The following CHN2 variants were observed in gnomAD, a reference collection of about 807,000 sequenced individuals.
CHN2 encodes the protein chimerin 2, also known as beta-chimaerin.
A neutral mutation model predicts 56.3 loss-of-function variants in CHN2; 35 were observed. The ratio of observed to expected loss-of-function variants is 0.62; its 90% CI spans 0.47 to 0.82. The LOEUF (loss-of-function observed/expected upper bound fraction) is 0.82, where lower values mean the gene tolerates loss of function less well. Among genes scored for constraint, CHN2 ranks in the 40% least tolerant of loss-of-function variants. The pLI is 0.00. For synonymous variants in CHN2, 210 were observed against 212.8 expected (o/e 0.99, Z 0.12); for missense variants, 491 against 580.5 (o/e 0.85, Z 1.58).
intron 6 of CHN2, among the ~76,000 whole-genome samples, chr7:29,441,223 C>T (rs560684158): frequency 3.9e-5 from 6 of 152,132 alleles, no homozygotes; most frequent in Non-Finnish European, 8.8e-5. Flanking sequence ...TGAATAATCT[C>T]TCAATTACAT....
chr7:29,426,932 C>A (rs190525277), intron 6 of CHN2, among the ~76,000 whole-genome samples: 1 of 152,238 alleles, frequency 6.6e-6, no homozygotes, highest in Non-Finnish European at 1.5e-5. Flanking sequence ...TCATCACGTC[C>A]ATCTGCCAGT....
chr7:29,228,159 T>TACAC (rs142567884), intron 1 of CHN2, among the ~76,000 whole-genome samples: 132 of 147,148 alleles, frequency 9.0e-4, no homozygotes, highest in African/African-American at 3.2e-3. Flanking sequence ...TATATATATA[T>TACAC]ACACACACAC....
intron 1 of CHN2, among the ~76,000 whole-genome samples, chr7:29,340,533 G>A (rs1048105847): frequency 2.6e-5 from 4 of 152,160 alleles, no homozygotes; most frequent in African/African-American, 9.7e-5. Flanking sequence ...GCTAACCACT[G>A]AGCCCCCAAA....
intron 6 of CHN2, among the ~76,000 whole-genome samples, chr7:29,458,666 A>G (rs1269843083): frequency 1.3e-5 from 2 of 152,178 alleles, no homozygotes; most frequent in Non-Finnish European, 2.9e-5. Flanking sequence ...TACTTGGCCA[A>G]GGTTGCAGCA....
intron 3 of CHN2, 57 bp downstream of exon 3, chr7:29,368,044 A>T: frequency 6.9e-7 from 1 of 1,444,168 alleles, no homozygotes; most frequent in Admixed American, 2.0e-5. Context: ...TGTCAGCACT[A>T]TGTAGAGAGT....
intron 6 of CHN2, among the ~76,000 whole-genome samples, chr7:29,444,373 G>T (rs1783885905): frequency 6.6e-6 from 1 of 152,196 alleles, no homozygotes; most frequent in Non-Finnish European, 1.5e-5. Flanking sequence ...AGGGCTTTCA[G>T]AGATGGCTCA....
At chr7:29,352,450 G>A (rs1243914683) in intron 1 of CHN2, among the ~76,000 whole-genome samples, 3 of 152,084 alleles carry the variant, frequency 2.0e-5, no homozygotes, top group Admixed American at 6.6e-5. Flanking sequence ...GCCGGGGCAC[G>A]GTGGCTCATG....
intron 6 of CHN2, among the ~76,000 whole-genome samples, chr7:29,412,756 CT>C: frequency 6.6e-6 from 1 of 152,204 alleles, no homozygotes; most frequent in Admixed American, 6.5e-5. Flanking sequence ...CACGAGAGCC[CT>C]CTGTTGGAAG....
chr7:29,507,376 C>T lies in CHN2; in HGVS notation c.1129+11C>T, dbSNP rs1790696136. 1 of 1,585,018 alleles carries T rather than the reference C, an allele frequency of 6.3e-7. No individual in the cohort carries two copies. Among genetic ancestry groups the T allele is most frequent in the Admixed American group, 1.8e-5 (1 of 54,294 alleles). On this transcript the variant is annotated intron_variant, in intron 11 of 12. Coordinates refer to ENST00000222792, the MANE Select transcript of CHN2 (RefSeq NM_004067.4). ...TTATAGATGCAGCAAGTAAGTACTT[C>T]AAATTAATTTTTTATTTCTACCAAA...
exon 1 of CHN2, chr7:29,146,635 G>T (rs769641932): frequency 6.5e-7 from 1 of 1,550,384 alleles, no homozygotes; most frequent in African/African-American, 1.4e-5. Context: ...CAACCTCCTG[G>T]TCCCAGAAAC....
Position 29,398,794 on chromosome 7 carries a change from G to T in CHN2, c.290+308G>T, listed in dbSNP as rs549132746. Among the ~76,000 whole-genome samples the T allele has an allele frequency of 4.1e-5, 6 of 147,576 alleles. No individual in the cohort carries two copies. The East Asian group carries it at 1.0e-3, about 25-fold the overall frequency. On this transcript the variant is annotated intron_variant, in intron 5 of 12. Coordinates refer to ENST00000222792, the MANE Select transcript of CHN2 (RefSeq NM_004067.4). ...TTTTTTTTTTTTTGAAGAGAATGGGGTCTCACCATGTTGCCCGGGCTGGTC... is the reference window on the plus strand; with the variant it reads ...TTTTTTTTTTTTTGAAGAGAATGGGTTCTCACCATGTTGCCCGGGCTGGTC...
At chr7:29,391,805 C>T (rs1379752835) in intron 3 of CHN2, among the ~76,000 whole-genome samples, 3 of 152,176 alleles carry the variant, frequency 2.0e-5, no homozygotes, top group African/African-American at 4.8e-5. Flanking sequence ...TGGCCTGAGC[C>T]TAGAGCCCAG....
At chr7:29,329,567 T>C (rs1023195876) in intron 1 of CHN2, among the ~76,000 whole-genome samples, 1 of 152,088 alleles carries the variant, frequency 6.6e-6, no homozygotes, top group Non-Finnish European at 1.5e-5. Flanking sequence ...AATAGAAAAG[T>C]GGTGAGGAAA....
chr7:29,456,079 G>C (rs1418582068), intron 6 of CHN2, among the ~76,000 whole-genome samples: 1 of 152,198 alleles, frequency 6.6e-6, no homozygotes, highest in Admixed American at 6.5e-5. Flanking sequence ...AGCCAGACTT[G>C]TCCCTAAATA....
intron 1 of CHN2, among the ~76,000 whole-genome samples, chr7:29,206,482 A>T (rs1000257503): frequency 6.6e-6 from 1 of 152,076 alleles, no homozygotes; most frequent in African/African-American, 2.4e-5. Flanking sequence ...AGGTTTCACC[A>T]TGTTGGCCAG....
intron 2 of CHN2, among the ~76,000 whole-genome samples, chr7:29,165,754 T>C (rs1322220897): frequency 6.6e-6 from 1 of 152,202 alleles, no homozygotes; most frequent in East Asian, 1.9e-4. Flanking sequence ...CATGAATAGA[T>C]GTTGAATTTT....
chr7:29,405,563 G>A (rs4719972), intron 6 of CHN2, among the ~76,000 whole-genome samples: 133,046 of 152,036 alleles, frequency 0.88, 58,601 homozygotes, highest in Non-Finnish European at 0.93. Context: ...CTGCTGCCAA[G>A]CCAACTCCCA....
chr7:29,392,190 G>A (rs1039285342), intron 3 of CHN2, among the ~76,000 whole-genome samples: 1 of 152,088 alleles, frequency 6.6e-6, no homozygotes, highest in African/African-American at 2.4e-5. Flanking sequence ...GGCTTTTCTA[G>A]TTCTAAATTT....
At chr7:29,359,087 A>T (rs549072926) in intron 2 of CHN2, among the ~76,000 whole-genome samples, 2 of 152,084 alleles carry the variant, frequency 1.3e-5, no homozygotes, top group South Asian at 4.1e-4. Flanking sequence ...ACATCTAACA[A>T]AGTCTCGGAA....
Sources: gnomAD v4.1 joint callset for allele counts (sites outside exome capture counted in the v4.1 genomes callset) on GRCh38, gnomAD v4.1.1 for gene constraint, MANE v1.5 for transcripts, NCBI Gene and HGNC (gene_info 2026-07-23, HGNC 2026-07-21) for gene names.